ME1: variants seen among roughly 807,000 people sequenced by gnomAD.
ME1 encodes NADP-dependent malic enzyme.
ME1 carries 74 observed loss-of-function variants against 66.4 expected under a neutral mutation model. The ratio of observed to expected loss-of-function variants is 1.11; its 90% CI spans 0.92 to 1.35. The LOEUF is 1.35. ME1 is among the 40% of genes most tolerant of loss of function. ME1 has a pLI of 0.00. For missense variants in ME1, 750 were observed against 694.1 expected (o/e 1.08, Z -0.90); for synonymous variants, 251 against 235.6 (o/e 1.07, Z -0.60).
Position 83,279,005 on chromosome 6 carries a change from C to A in ME1, c.705-25267G>T, listed in dbSNP as rs527737092. Reference sequence around the variant, plus strand: ...ACTATAGTAAACAACCCCTTCCCCCCCAACCCTATCACTGCCCCAACAGGG... The same window carrying A: ...ACTATAGTAAACAACCCCTTCCCCCACAACCCTATCACTGCCCCAACAGGG... On this transcript the variant is annotated intron_variant, in intron 6 of 13. Coordinates refer to ENST00000369705, the MANE Select transcript of ME1 (RefSeq NM_002395.6). 3.3e-4 allele frequency among the ~76,000 whole-genome samples: 50 copies of A among 152,250 alleles called. No individual in the cohort carries two copies. In the East Asian group the frequency reaches 5.8e-3, roughly 18 times the overall value.
chr6:83,403,259 A>G (rs9444069), intron 2 of ME1, among the ~76,000 whole-genome samples: 9,085 of 152,186 alleles, frequency 0.06, 489 homozygotes, highest in African/African-American at 0.14. Flanking sequence ...GGAGATTCAT[A>G]TGGGTGGTGT....
chr6:83,430,768 T>C (rs995272008), intron 1 of ME1, 109 bp downstream of exon 1: 5 of 986,366 alleles, frequency 5.1e-6, no homozygotes, highest in Admixed American at 2.8e-5. Context: ...ACCGGGAACC[T>C]TCCCAGGGGA....
chr6:83,240,222 G>A (rs1416742703), intron 7 of ME1, among the ~76,000 whole-genome samples: 1 of 151,846 alleles, frequency 6.6e-6, no homozygotes, highest in Non-Finnish European at 1.5e-5. Context: ...TGAGATAGGA[G>A]GACACAAATA....
At chr6:83,287,157 C>A (rs911562108) in intron 6 of ME1, among the ~76,000 whole-genome samples, 6 of 152,068 alleles carry the variant, frequency 3.9e-5, no homozygotes, top group Admixed American at 3.9e-4. Context: ...TCATCATAAT[C>A]TTTTTTTAAA....
chr6:83,429,034 C>G (rs1190076900), intron 1 of ME1, among the ~76,000 whole-genome samples: 1 of 151,964 alleles, frequency 6.6e-6, no homozygotes, highest in Non-Finnish European at 1.5e-5. Flanking sequence ...GAGGCTGAGG[C>G]GGGTGGATCA....
intron 3 of ME1, among the ~76,000 whole-genome samples, chr6:83,386,359 C>G (rs1769502674): frequency 1.3e-5 from 2 of 151,722 alleles, no homozygotes; most frequent in African/African-American, 4.9e-5. Flanking sequence ...AAAAATATTC[C>G]CTGGTTTTCA....
intron 9 of ME1, among the ~76,000 whole-genome samples, chr6:83,229,727 G>A (rs1012741): frequency 0.19 from 28,230 of 151,974 alleles, 3,688 homozygotes; most frequent in African/African-American, 0.36. Context: ...GAATCACCCC[G>A]GGCAAAAACT....
At chr6:83,410,952 A>C (rs1252955208) in intron 1 of ME1, among the ~76,000 whole-genome samples, 2 of 152,230 alleles carry the variant, frequency 1.3e-5, no homozygotes, top group Non-Finnish European at 2.9e-5. Flanking sequence ...ACAAACTCCC[A>C]TATACCATTA....
chr6:83,407,095 C>T (rs111500971), intron 2 of ME1, among the ~76,000 whole-genome samples: 3,375 of 152,074 alleles, frequency 0.022, 69 homozygotes, highest in Middle Eastern at 0.051. Flanking sequence ...CCTCTTTTAA[C>T]CCTCACAACA....
chr6:83,387,814 T>C (rs575869237), intron 3 of ME1, among the ~76,000 whole-genome samples: 4 of 152,280 alleles, frequency 2.6e-5, no homozygotes, highest in African/African-American at 9.6e-5. Flanking sequence ...GAACAACTTA[T>C]TGACTAATTC....
At chr6:83,361,260 T>C (rs1179431472) in intron 3 of ME1, among the ~76,000 whole-genome samples, 2 of 152,218 alleles carry the variant, frequency 1.3e-5, no homozygotes, top group African/African-American at 2.4e-5. Flanking sequence ...TCCAGTGGTG[T>C]GGGGACTGTC....
chr6:83,334,024 C>T (rs1261968942), intron 5 of ME1, among the ~76,000 whole-genome samples: 5 of 151,862 alleles, frequency 3.3e-5, no homozygotes, highest in Non-Finnish European at 7.4e-5. Flanking sequence ...ACGCAGAAGA[C>T]GGGTGATTTC....
At chr6:83,396,454 C>T (rs1040601750) in intron 3 of ME1, among the ~76,000 whole-genome samples, 4 of 151,906 alleles carry the variant, frequency 2.6e-5, no homozygotes, top group Non-Finnish European at 5.9e-5. Context: ...AACTACAAAA[C>T]ATTGATGAAA....
chr6:83,370,715 T>C (rs1769178989), intron 3 of ME1, among the ~76,000 whole-genome samples: 1 of 152,076 alleles, frequency 6.6e-6, no homozygotes, highest in East Asian at 1.9e-4. Flanking sequence ...CACTGTTAAA[T>C]GAAAATATAT....
chr6:83,405,624 T>C (rs770518150), intron 2 of ME1, among the ~76,000 whole-genome samples: 25 of 152,272 alleles, frequency 1.6e-4, no homozygotes, highest in Non-Finnish European at 2.5e-4. Flanking sequence ...CCACTCAGTA[T>C]GATATTGGCT....
intron 4 of ME1, among the ~76,000 whole-genome samples, chr6:83,350,158 T>C (rs1245215767): frequency 6.6e-6 from 1 of 152,216 alleles, no homozygotes; most frequent in East Asian, 1.9e-4. Flanking sequence ...CACTTACCTA[T>C]CTTCAGCATT....
At chr6:83,246,972 A>G (rs979895909) in intron 7 of ME1, among the ~76,000 whole-genome samples, 5 of 152,116 alleles carry the variant, frequency 3.3e-5, no homozygotes, top group African/African-American at 9.7e-5. Context: ...AAACTCCAAA[A>G]ATATGTTTAC....
intron 6 of ME1, among the ~76,000 whole-genome samples, chr6:83,280,700 T>C (rs1490929099): frequency 6.6e-6 from 1 of 152,302 alleles, no homozygotes; most frequent in Non-Finnish European, 1.5e-5. Flanking sequence ...TTAAAAGAAT[T>C]GATCCAACAA....
chr6:83,283,227 C>CAAAAAAAA (rs71545854), intron 6 of ME1, among the ~76,000 whole-genome samples: 413 of 28,862 alleles, frequency 0.014, 12 homozygotes, highest in Non-Finnish European at 0.02. Context: ...GACTCCGTCT[C>CAAAAAAAA]AAAAAAAAAA....
Sources: allele counts gnomAD v4.1 joint callset (sites outside exome capture counted in the v4.1 genomes callset), GRCh38; gene constraint gnomAD v4.1.1; transcripts MANE v1.5; gene names NCBI Gene and HGNC (gene_info 2026-07-23, HGNC 2026-07-21).